The following TLN2 variants were observed in gnomAD, a reference collection of about 807,000 sequenced individuals.
The protein encoded by TLN2 is talin 2.
In TLN2, 118 loss-of-function variants were observed where a neutral mutation model predicts 294.7. The observed-to-expected ratio is 0.40, with a 90% CI of 0.34 to 0.47. The LOEUF (loss-of-function observed/expected upper bound fraction) is 0.47. Ranked by LOEUF, TLN2 falls within the 20% of genes least tolerant of loss-of-function variation. The probability of loss-of-function intolerance (pLI) is 0.84; values close to 1 mark genes in which losing one functional copy is unlikely to be tolerated. For synonymous variants in TLN2, 1,431 were observed against 1,304.5 expected, an observed-to-expected ratio of 1.10 and a Z score of -2.09; for missense variants, 3,083 against 3,282.2, an observed-to-expected ratio of 0.94 and a Z score of 1.48.
chr15:62,405,650 G>C (rs1261538936), intron 1 of TLN2, among the ~76,000 whole-genome samples: 1 of 152,146 alleles, frequency 6.6e-6, no homozygotes, highest in Non-Finnish European at 1.5e-5. Context: ...CTCTTGATTA[G>C]GGTCCCTAGG....
intron 1 of TLN2, among the ~76,000 whole-genome samples, chr15:62,422,593 C>T (rs947580104): frequency 1.3e-5 from 2 of 152,132 alleles, no homozygotes; most frequent in Non-Finnish European, 2.9e-5. Context: ...GTCTCCAGAT[C>T]GAAGGTACCA....
intron 25 of TLN2, 41 bp from the exon 26 acceptor site, chr15:62,722,312 C>A: frequency 6.3e-7 from 1 of 1,575,668 alleles, no homozygotes; most frequent in Admixed American, 1.7e-5. Flanking sequence ...CTACCTCTTG[C>A]TGCCCAGGAG....
intron 1 of TLN2, among the ~76,000 whole-genome samples, chr15:62,564,856 C>T (rs926922505): frequency 4.9e-5 from 7 of 143,894 alleles, no homozygotes; most frequent in Admixed American, 3.6e-4. Flanking sequence ...TGAAGTGAGC[C>T]GAGATTGCAC....
intron 1 of TLN2, among the ~76,000 whole-genome samples, chr15:62,403,395 A>G (rs146674648): frequency 0.011 from 1,690 of 152,164 alleles, 30 homozygotes; most frequent in African/African-American, 0.038. Flanking sequence ...ACTCACTCCA[A>G]TCTGGCTTTT....
At chr15:62,591,724 G>A (rs1048720169) in intron 2 of TLN2, among the ~76,000 whole-genome samples, 1 of 152,092 alleles carries the variant, frequency 6.6e-6, no homozygotes, top group Non-Finnish European at 1.5e-5. Flanking sequence ...GTAGAATACT[G>A]GACTCCAAGG....
intron 1 of TLN2, among the ~76,000 whole-genome samples, chr15:62,391,384 G>T (rs2032073758): frequency 6.6e-6 from 1 of 152,240 alleles, no homozygotes; most frequent in Admixed American, 6.5e-5. Flanking sequence ...CATCCAGTGC[G>T]GCTGGCCTCA....
At chr15:62,795,152 A>G (rs767259974) in intron 46 of TLN2, among the ~76,000 whole-genome samples, 1 of 152,158 alleles carries the variant, frequency 6.6e-6, no homozygotes, top group East Asian at 1.9e-4. Flanking sequence ...AGGATGATAC[A>G]TCCGTGCTTG....
chr15:62,456,717 T>C (rs1456427648), intron 1 of TLN2, among the ~76,000 whole-genome samples: 11 of 99,940 alleles, frequency 1.1e-4, no homozygotes, highest in Admixed American at 1.1e-3. Context: ...TGTCACATAG[T>C]TAGTATGTTT....
In TLN2 at chr15:62,792,376, C is replaced by T. The variant is rs1357362191; in HGVS notation, c.5737-265C>T. ...GCTGGAGGAGCAGATAAGCTATAAA[C>T]CAGGAAAGATATGTATCAAGGAGGG... On this transcript the variant is annotated intron_variant, in intron 45 of 58. Coordinates refer to ENST00000636159, the MANE Select transcript of TLN2 (RefSeq NM_015059.3). 2.6e-5 allele frequency among the ~76,000 whole-genome samples: 4 copies of T among 152,112 alleles called. No homozygotes were observed. In the South Asian group the frequency reaches 6.2e-4, roughly 24 times the overall value.
At chr15:62,653,472 T>G (rs1384681347) in intron 7 of TLN2, among the ~76,000 whole-genome samples, 158 bp downstream of exon 7, 1 of 152,200 alleles carries the variant, frequency 6.6e-6, no homozygotes, top group Admixed American at 6.5e-5. Context: ...ACTTCTATAA[T>G]CCCAGTATTT....
At chr15:62,556,989 A>G (rs2042640764) in intron 1 of TLN2, among the ~76,000 whole-genome samples, 1 of 152,190 alleles carries the variant, frequency 6.6e-6, no homozygotes, top group Non-Finnish European at 1.5e-5. Context: ...ATGTGCCAAG[A>G]AATAGATTTT....
intron 11 of TLN2, among the ~76,000 whole-genome samples, chr15:62,678,037 C>G (rs2056427340): frequency 6.6e-6 from 1 of 152,048 alleles, no homozygotes; most frequent in Admixed American, 6.5e-5. Flanking sequence ...TCAGGTCATC[C>G]TCCTGCCTTG....
At chr15:62,586,681 G>A (rs1213427952) in intron 1 of TLN2, among the ~76,000 whole-genome samples, 1 of 152,174 alleles carries the variant, frequency 6.6e-6, no homozygotes, top group Admixed American at 6.5e-5. Flanking sequence ...AATCTGTGAA[G>A]TGGTTACACA....
chr15:62,824,091 C>A, intron 54 of TLN2: 1 of 436,038 alleles, frequency 2.3e-6, no homozygotes, highest in Non-Finnish European at 4.7e-6. Flanking sequence ...GGAAAGAACA[C>A]GTTAAAATCA....
intron 1 of TLN2, among the ~76,000 whole-genome samples, chr15:62,581,481 G>A (rs1275383405): frequency 6.6e-6 from 1 of 152,110 alleles, no homozygotes; most frequent in Non-Finnish European, 1.5e-5. Flanking sequence ...TCTACTGTTG[G>A]TATTCTTTGT....
chr15:62,796,327 G>A, intron 47 of TLN2, 34 bp downstream of exon 47: 1 of 1,586,322 alleles, frequency 6.3e-7, no homozygotes. Flanking sequence ...AGAGGTTCAG[G>A]CTGGCCTGCC....
intron 1 of TLN2, among the ~76,000 whole-genome samples, chr15:62,578,724 A>T (rs1169109505): frequency 6.6e-6 from 1 of 152,046 alleles, no homozygotes; most frequent in Non-Finnish European, 1.5e-5. Context: ...TAAAGTCCAC[A>T]TTTATTGCAG....
chr15:62,539,175 T>C (rs1715419652), intron 1 of TLN2, among the ~76,000 whole-genome samples: 1 of 152,186 alleles, frequency 6.6e-6, no homozygotes, highest in African/African-American at 2.4e-5. Flanking sequence ...TTAGGGAGCT[T>C]AAGCAATGAA....
intron 1 of TLN2, among the ~76,000 whole-genome samples, chr15:62,536,367 C>G (rs1390466198): frequency 6.6e-6 from 1 of 152,138 alleles, no homozygotes; most frequent in Non-Finnish European, 1.5e-5. Flanking sequence ...TTGTCAATTC[C>G]CTCTTCCCTT....
Sources: allele counts gnomAD v4.1 joint callset (sites outside exome capture counted in the v4.1 genomes callset), GRCh38; gene constraint gnomAD v4.1.1; transcripts MANE v1.5; gene names NCBI Gene and HGNC (gene_info 2026-07-23, HGNC 2026-07-21).